GBF1: variants seen among roughly 807,000 people sequenced by gnomAD.
GBF1 encodes the protein Golgi-specific brefeldin A-resistance guanine nucleotide exchange factor 1.
Under a neutral mutation model 210.5 loss-of-function variants are expected in GBF1, and 114 were observed. The observed-to-expected ratio is 0.54, with a 90% CI of 0.47 to 0.63. GBF1 has a LOEUF of 0.63. Among genes scored for constraint, GBF1 ranks in the 30% least tolerant of loss-of-function variants. The probability of loss-of-function intolerance (pLI) is 0.00; values close to 1 mark genes in which losing one functional copy is unlikely to be tolerated. For synonymous variants in GBF1, 850 were observed against 889.2 expected (o/e 0.96, Z 0.78); for missense variants, 1,851 against 2,357.7 (o/e 0.79, Z 4.45).
upstream of GBF1, among the ~76,000 whole-genome samples, chr10:102,240,610 G>A (rs1348301836): frequency 2.6e-5 from 4 of 152,208 alleles, no homozygotes; most frequent in East Asian, 3.9e-4. Context: ...CTCCCGCTCC[G>A]GAGAGACCCA....
At chr10:102,362,956 C>T (rs1279881464) in intron 15 of GBF1, among the ~76,000 whole-genome samples, 1 of 152,222 alleles carries the variant, frequency 6.6e-6, no homozygotes, top group Non-Finnish European at 1.5e-5. Context: ...AGCTCCAGGT[C>T]CCACCATCCC....
intron 3 of GBF1, among the ~76,000 whole-genome samples, chr10:102,324,735 C>T (rs914965962): frequency 1.1e-4 from 16 of 151,948 alleles, no homozygotes; most frequent in Admixed American, 7.2e-4. Flanking sequence ...TACAGGCGCC[C>T]GCCACCACGG....
At chr10:102,369,687 A>T in intron 24 of GBF1, 24 bp from the exon 25 acceptor site, 2 of 1,609,410 alleles carry the variant, frequency 1.2e-6, no homozygotes, top group Non-Finnish European at 1.7e-6. Flanking sequence ...CATGGAAAGA[A>T]ATTATTTTGA....
rs2059960604 is a variant in GBF1 at position 102,367,168 on chromosome 10, C to T, written c.2517C>T (p.His839=). The T allele has an allele frequency of 6.2e-7, 1 of 1,614,024 alleles. No individual in the cohort carries two copies. Residue 839 remains histidine, a synonymous_variant, in exon 20 of 40, where the codon CAC becomes CAT. Coordinates refer to ENST00000369983, the MANE Select transcript of GBF1 (RefSeq NM_001377137.1). ...YAVIMLNTDQ[H]NHNVRKQNAP... Reference sequence around the variant, plus strand: ...TCATCATGCTTAATACTGACCAGCACAACCACAATGTTCGTAAACAGAATG... The same window carrying T: ...TCATCATGCTTAATACTGACCAGCATAACCACAATGTTCGTAAACAGAATG...
intron 3 of GBF1, among the ~76,000 whole-genome samples, chr10:102,319,373 C>CT (rs1170357417): frequency 7.1e-6 from 1 of 140,768 alleles, no homozygotes; most frequent in Non-Finnish European, 1.5e-5. Flanking sequence ...ACTCCTGTCT[C>CT]TAAAAAAAAA....
At chr10:102,381,999 A>G (rs1463736303) in intron 39 of GBF1, 57 bp from the exon 40 acceptor site, 10 of 1,415,070 alleles carry the variant, frequency 7.1e-6, no homozygotes, top group East Asian at 2.3e-5. Flanking sequence ...GGGCAATGTG[A>G]GAGTTGTCTT....
At chr10:102,300,808 T>G (rs569948077) in intron 3 of GBF1, among the ~76,000 whole-genome samples, 26 of 152,208 alleles carry the variant, frequency 1.7e-4, no homozygotes, top group Non-Finnish European at 2.8e-4. Context: ...ACTAAGTTAT[T>G]GATTGCTGTT....
intron 3 of GBF1, among the ~76,000 whole-genome samples, chr10:102,297,208 T>A (rs1292882644): frequency 2.6e-5 from 4 of 152,198 alleles, no homozygotes; most frequent in Non-Finnish European, 5.9e-5. Flanking sequence ...GCTTTAACAT[T>A]TATTTTTAAA....
At chr10:102,326,250 G>C (rs1429089680) in intron 3 of GBF1, among the ~76,000 whole-genome samples, 1 of 152,194 alleles carries the variant, frequency 6.6e-6, no homozygotes, top group African/African-American at 2.4e-5. Flanking sequence ...TTTTAGCAAT[G>C]GGGAAGTAAA....
At chr10:102,291,098 T>C (rs2076394631) in intron 3 of GBF1, among the ~76,000 whole-genome samples, 1 of 152,214 alleles carries the variant, frequency 6.6e-6, no homozygotes, top group African/African-American at 2.4e-5. Flanking sequence ...TCAGGTTCTT[T>C]CATAGCTGGA....
intron 3 of GBF1, among the ~76,000 whole-genome samples, chr10:102,286,458 C>T (rs2075965042): frequency 1.3e-5 from 2 of 152,156 alleles, no homozygotes; most frequent in African/African-American, 2.4e-5. Context: ...CCTGGAAGTA[C>T]ACACAGGAGC....
At chr10:102,254,831 T>A (rs2072105316) in intron 1 of GBF1, among the ~76,000 whole-genome samples, 1 of 152,108 alleles carries the variant, frequency 6.6e-6, no homozygotes, top group Admixed American at 6.5e-5. Flanking sequence ...CTACTATACT[T>A]TTATGAGGTT....
chr10:102,258,218 C>T (rs2072683604), intron 1 of GBF1, among the ~76,000 whole-genome samples: 1 of 138,020 alleles, frequency 7.2e-6, no homozygotes, highest in Non-Finnish European at 1.5e-5. Flanking sequence ...TGCAATGGGG[C>T]GATCTTGGCT....
intron 3 of GBF1, among the ~76,000 whole-genome samples, chr10:102,321,688 GC>G (rs1565106664): frequency 6.6e-6 from 1 of 152,132 alleles, no homozygotes; most frequent in Non-Finnish European, 1.5e-5. Context: ...TCCTGTCTCA[GC>G]CTCCCGAGTA....
the GBF1 span, chr10:102,231,031 C>A: frequency 6.3e-7 from 1 of 1,596,974 alleles, no homozygotes; most frequent in Non-Finnish European, 8.5e-7. Flanking sequence ...CGCGAAGCTG[C>A]CTTTGCATAG....
intron 3 of GBF1, among the ~76,000 whole-genome samples, chr10:102,314,624 C>T (rs1023256849): frequency 2.0e-5 from 3 of 152,176 alleles, no homozygotes; most frequent in Non-Finnish European, 4.4e-5. Flanking sequence ...CTCCTGGCTT[C>T]AAGGCTTGAA....
chr10:102,321,437 T>C (rs1269608178), intron 3 of GBF1, among the ~76,000 whole-genome samples: 2 of 152,276 alleles, frequency 1.3e-5, no homozygotes, highest in Non-Finnish European at 2.9e-5. Flanking sequence ...ATCCCATTTA[T>C]TGAATGCTCT....
intron 3 of GBF1, among the ~76,000 whole-genome samples, chr10:102,334,527 A>G (rs1333402378): frequency 6.6e-6 from 1 of 152,212 alleles, no homozygotes; most frequent in Admixed American, 6.5e-5. Flanking sequence ...CAGAGATGGT[A>G]GCAGCTCTGA....
intron 3 of GBF1, among the ~76,000 whole-genome samples, chr10:102,286,978 G>T (rs2076005044): frequency 6.6e-6 from 1 of 152,142 alleles, no homozygotes; most frequent in African/African-American, 2.4e-5. Context: ...TTCTGATGGG[G>T]CCTTTTTGGC....
Sources: gnomAD v4.1 joint callset for allele counts (sites outside exome capture counted in the v4.1 genomes callset) on GRCh38, gnomAD v4.1.1 for gene constraint, MANE v1.5 for transcripts, NCBI Gene and HGNC (gene_info 2026-07-23, HGNC 2026-07-21) for gene names.